ADAM12: variants seen among roughly 807,000 people sequenced by gnomAD.
ADAM12 encodes disintegrin and metalloproteinase domain-containing protein 12.
ADAM12 carries 70 observed loss-of-function variants against 106.4 expected under a neutral mutation model. The ratio of observed to expected loss-of-function variants is 0.66; its 90% CI spans 0.54 to 0.80. ADAM12 has a LOEUF of 0.80. Among genes scored for constraint, ADAM12 ranks in the 30% least tolerant of loss-of-function variants. The probability of loss-of-function intolerance (pLI) is 0.00; values close to 1 mark genes in which losing one functional copy is unlikely to be tolerated. For missense variants in ADAM12, 1,010 were observed against 1,171.9 expected (o/e 0.86, Z 2.02); for synonymous variants, 420 against 433.5 (o/e 0.97, Z 0.39).
At chr10:126,301,379 G>A (rs1339614579) in intron 2 of ADAM12, among the ~76,000 whole-genome samples, 1 of 152,170 alleles carries the variant, frequency 6.6e-6, no homozygotes, top group Admixed American at 6.5e-5. Context: ...AAGAAAACTT[G>A]CCAAAATGTA....
intron 3 of ADAM12, among the ~76,000 whole-genome samples, chr10:126,195,096 G>A (rs560711864): frequency 7.9e-4 from 120 of 152,168 alleles, no homozygotes; most frequent in African/African-American, 2.8e-3. Flanking sequence ...CTTACCAGGG[G>A]TGGAGGGCTT....
At chr10:126,091,343 G>A (rs1481182576) in intron 11 of ADAM12, among the ~76,000 whole-genome samples, 1 of 152,186 alleles carries the variant, frequency 6.6e-6, no homozygotes, top group East Asian at 1.9e-4. Flanking sequence ...ACTCCACCAC[G>A]GGTGATGGAT....
chr10:126,314,005 T>A (rs1025289273), intron 2 of ADAM12, among the ~76,000 whole-genome samples: 3 of 147,348 alleles, frequency 2.0e-5, no homozygotes, highest in African/African-American at 7.5e-5. Context: ...CTAGATGGGG[T>A]GCTGTAGGCA....
intron 2 of ADAM12, among the ~76,000 whole-genome samples, chr10:126,299,249 T>C (rs1207474998): frequency 1.3e-5 from 2 of 152,232 alleles, no homozygotes; most frequent in Non-Finnish European, 2.9e-5. Context: ...TGGAAGAAGA[T>C]TCCATGACCC....
intron 11 of ADAM12, among the ~76,000 whole-genome samples, chr10:126,086,945 A>T (rs1029991229): frequency 6.6e-6 from 1 of 151,598 alleles, no homozygotes; most frequent in East Asian, 1.9e-4. Flanking sequence ...AGGCAGGAGA[A>T]TTGCTTGAAC....
Position 126,014,430 on chromosome 10 carries a change from C to T in ADAM12, c.*2849G>A, listed in dbSNP as rs1343510032. On this transcript the variant is annotated 3_prime_UTR_variant, in exon 23 of 23. Transcript: ENST00000448723. ...AAGTTAAGAAGGCATAAAAATGCCC[C>T]CCCCCCGAGACTCGTCAGGAGTATT... The T allele has an allele frequency of 6.7e-6, 1 of 148,962 alleles. No individual in the cohort carries two copies. Among genetic ancestry groups the T allele is most frequent in the South Asian group, 2.2e-4 (1 of 4,618 alleles). The allele number at this position is 148,962 out of a possible 1,614,324, so 9.2% of individuals were successfully genotyped here. A position where few individuals can be genotyped will look rare whatever the true frequency, so the allele number is the denominator to read the frequency against.
intron 2 of ADAM12, among the ~76,000 whole-genome samples, chr10:126,281,191 CAA>C: frequency 6.6e-6 from 1 of 152,184 alleles, no homozygotes. Context: ...AATATTAGAA[CAA>C]AATATGTCTC....
intron 4 of ADAM12, among the ~76,000 whole-genome samples, chr10:126,153,760 C>A (rs549375044): frequency 5.3e-5 from 8 of 152,192 alleles, no homozygotes; most frequent in Non-Finnish European, 1.5e-5. Context: ...TAGAAATATT[C>A]CTACAGAACT....
intron 3 of ADAM12, among the ~76,000 whole-genome samples, chr10:126,256,920 A>AATAATGATG (rs879871890): frequency 4.1e-5 from 4 of 97,156 alleles, no homozygotes; most frequent in African/African-American, 1.6e-4. Context: ...TAATAATAAT[A>AATAATGATG]ATGATGATGA....
chr10:126,386,358 G>A (rs1190092188), intron 1 of ADAM12, among the ~76,000 whole-genome samples: 2 of 152,134 alleles, frequency 1.3e-5, no homozygotes, highest in East Asian at 3.8e-4. Context: ...CTTTTCTCTT[G>A]CCAATGCAAA....
intron 3 of ADAM12, among the ~76,000 whole-genome samples, chr10:126,165,184 T>A (rs1373049515): frequency 1.3e-5 from 2 of 152,152 alleles, no homozygotes; most frequent in Non-Finnish European, 2.9e-5. Flanking sequence ...ACTTTTTTTT[T>A]TGAGACTGAG....
rs74158092 is a variant in ADAM12, at chr10:126,050,564, G to A, written c.1610-895C>T. On this transcript the variant is annotated intron_variant, in intron 14 of 22. Coordinates refer to ENST00000448723, the MANE Select transcript of ADAM12 (RefSeq NM_001288973.2). The stretch of plus-strand genomic sequence containing the variant: ...CATCGCTTCTGATGGCCAGGATGCC[G>A]ACACTCCAGAGCCTCACTCTGACTC... 5.3e-3 allele frequency among the ~76,000 whole-genome samples: 811 copies of A among 152,294 alleles called. 11 individuals carry two copies. Among genetic ancestry groups the A allele is most frequent in the African/African-American group, 0.019 (772 of 41,560 alleles).
chr10:126,095,304 G>A (rs564061901), intron 10 of ADAM12, among the ~76,000 whole-genome samples: 1 of 150,632 alleles, frequency 6.6e-6, no homozygotes, highest in African/African-American at 2.5e-5. Context: ...CGAGGCTGAG[G>A]CAGGGGGATC....
Position 126,017,501 on chromosome 10 carries a change from C to T in ADAM12, c.2661-162G>A, listed in dbSNP as rs151071791. 5.2e-3 allele frequency among the ~76,000 whole-genome samples: 788 copies of T among 152,200 alleles called. 5 individuals are homozygous for T. The highest frequency in any genetic ancestry group is 0.018 in the African/African-American group (730 of 41,518). The stretch of plus-strand genomic sequence containing the variant: ...GGGGTGGGAAACCTGTCTCCAAAGC[C>T]GCACTTCCCACCCACAAGTCAACTC... On this transcript the variant is annotated intron_variant, in intron 22 of 22. Transcript: ENST00000448723.
chr10:126,081,292 C>T (rs866199105), intron 11 of ADAM12, among the ~76,000 whole-genome samples: 1 of 151,994 alleles, frequency 6.6e-6, no homozygotes, highest in Admixed American at 6.6e-5. Context: ...AGCTTGGAGC[C>T]GACATAACTG....
chr10:126,087,559 C>T (rs1332721705), intron 11 of ADAM12, among the ~76,000 whole-genome samples: 1 of 152,076 alleles, frequency 6.6e-6, no homozygotes, highest in African/African-American at 2.4e-5. Context: ...TTTTCTTAAA[C>T]TTTTCATTGA....
At chr10:126,150,095 A>G (rs1449124678) in intron 4 of ADAM12, among the ~76,000 whole-genome samples, 1 of 152,242 alleles carries the variant, frequency 6.6e-6, no homozygotes, top group African/African-American at 2.4e-5. Flanking sequence ...AGATGTCTGT[A>G]TTAGACAAGC....
intron 2 of ADAM12, among the ~76,000 whole-genome samples, chr10:126,327,912 C>A (rs948224065): frequency 1.3e-5 from 2 of 152,178 alleles, no homozygotes; most frequent in African/African-American, 4.8e-5. Flanking sequence ...CCCTGTTGCT[C>A]CCGCATCACT....
At chr10:126,287,024 C>T (rs564131918) in intron 2 of ADAM12, among the ~76,000 whole-genome samples, 2 of 152,336 alleles carry the variant, frequency 1.3e-5, no homozygotes, top group East Asian at 1.9e-4. Flanking sequence ...GGCACCATCA[C>T]ATCACCTTTG....
Sources: gnomAD v4.1 joint callset for allele counts (sites outside exome capture counted in the v4.1 genomes callset) on GRCh38, gnomAD v4.1.1 for gene constraint, MANE v1.5 for transcripts, NCBI Gene and HGNC (gene_info 2026-07-23, HGNC 2026-07-21) for gene names.